The following COL10A1 variants were observed in gnomAD, a reference collection of about 807,000 sequenced individuals.
COL10A1 encodes the protein collagen type X alpha 1 chain.
In COL10A1, 10 loss-of-function variants were observed where a neutral mutation model predicts 18.2. The observed-to-expected ratio is 0.55, with a 90% CI of 0.34 to 0.93. The LOEUF (loss-of-function observed/expected upper bound fraction) is 0.93, where lower values mean the gene tolerates loss of function less well. Ranked by LOEUF, COL10A1 falls within the 40% of genes least tolerant of loss-of-function variation. The pLI, the probability that COL10A1 is intolerant of heterozygous loss-of-function variation, is 0.02. For synonymous variants in COL10A1, 330 were observed against 316.6 expected, an observed-to-expected ratio of 1.04 and a Z score of -0.45; for missense variants, 897 against 853.5, an observed-to-expected ratio of 1.05 and a Z score of -0.64.
At chr6:116,196,539 A>G in the COL10A1 span, among the ~76,000 whole-genome samples, 1 of 152,074 alleles carries the variant, frequency 6.6e-6, no homozygotes, top group Non-Finnish European at 1.5e-5. Flanking sequence ...AAATTATATC[A>G]ATTAGAAAAA....
intron 1 of COL10A1, among the ~76,000 whole-genome samples, chr6:116,134,612 C>T (rs961387096): frequency 3.9e-5 from 6 of 152,096 alleles, no homozygotes; most frequent in African/African-American, 7.2e-5. Context: ...TAGGGCCATT[C>T]GCATGGTGCT....
upstream of COL10A1, among the ~76,000 whole-genome samples, chr6:116,159,296 C>T (rs1349349281): frequency 6.6e-6 from 1 of 152,056 alleles, no homozygotes; most frequent in African/African-American, 2.4e-5. Flanking sequence ...ACCAGAGAAA[C>T]ATAACTTTCT....
the COL10A1 span, among the ~76,000 whole-genome samples, chr6:116,179,566 C>G: frequency 3.9e-5 from 6 of 152,102 alleles, no homozygotes; most frequent in Non-Finnish European, 5.9e-5. Context: ...CAGGGAAACG[C>G]AAATCAAAAC....
the COL10A1 span, among the ~76,000 whole-genome samples, chr6:116,212,347 C>T: frequency 1.3e-5 from 2 of 152,094 alleles, no homozygotes; most frequent in Non-Finnish European, 2.9e-5. Context: ...CTTAACTACT[C>T]TGTCTATGCA....
chr6:116,150,586 T>C (rs2114395362), intron 1 of COL10A1, among the ~76,000 whole-genome samples: 1 of 152,232 alleles, frequency 6.6e-6, no homozygotes, highest in Non-Finnish European at 1.5e-5. Flanking sequence ...CACCTGGCCT[T>C]GAAAATGGGG....
chr6:116,140,175 C>T (rs975376811), intron 1 of COL10A1, among the ~76,000 whole-genome samples: 6 of 152,144 alleles, frequency 3.9e-5, no homozygotes, highest in Non-Finnish European at 5.9e-5. Flanking sequence ...CCAGTGCATG[C>T]TCTCAGGTAT....
chr6:116,198,360 G>A, the COL10A1 span, among the ~76,000 whole-genome samples: 1 of 152,006 alleles, frequency 6.6e-6, no homozygotes, highest in Non-Finnish European at 1.5e-5. Flanking sequence ...ACCATTATAT[G>A]TAACTGTGCT....
the COL10A1 span, among the ~76,000 whole-genome samples, chr6:116,213,129 A>T: frequency 7.2e-5 from 11 of 152,172 alleles, no homozygotes; most frequent in Admixed American, 7.2e-4. Flanking sequence ...AACACACAAA[A>T]CTCAGTATCA....
the COL10A1 span, among the ~76,000 whole-genome samples, chr6:116,186,137 T>C: frequency 6.6e-6 from 1 of 152,202 alleles, no homozygotes; most frequent in Admixed American, 6.6e-5. Flanking sequence ...AAGCTTAGTT[T>C]CACTGGATAC....
chr6:116,134,202 T>C (rs751090903), intron 1 of COL10A1, among the ~76,000 whole-genome samples: 9 of 152,208 alleles, frequency 5.9e-5, no homozygotes, highest in South Asian at 2.1e-4. Flanking sequence ...TATTAGACAG[T>C]CTTCTCAAAT....
the COL10A1 span, among the ~76,000 whole-genome samples, chr6:116,200,950 GTCTGAAAGGT>G: frequency 6.6e-6 from 1 of 151,898 alleles, no homozygotes; most frequent in East Asian, 1.9e-4. Context: ...TCTAACCAAG[GTCTGAAAGGT>G]TCTCTGTTTA....
chr6:116,215,262 A>G, the COL10A1 span, among the ~76,000 whole-genome samples: 1 of 152,294 alleles, frequency 6.6e-6, no homozygotes, highest in African/African-American at 2.4e-5. Context: ...TTTTCCAGAA[A>G]CATGATATCA....
At chr6:116,165,945 C>G in the COL10A1 span, among the ~76,000 whole-genome samples, 3 of 152,336 alleles carry the variant, frequency 2.0e-5, no homozygotes, top group East Asian at 5.8e-4. Context: ...CCTCTCAGCT[C>G]AGGCTTGAGG....
chr6:116,210,378 G>T, the COL10A1 span, among the ~76,000 whole-genome samples: 1 of 150,698 alleles, frequency 6.6e-6, no homozygotes, highest in Non-Finnish European at 1.5e-5. Context: ...AAAAAAAAAA[G>T]AGTAAAGATT....
the COL10A1 span, among the ~76,000 whole-genome samples, chr6:116,164,915 C>G: frequency 1.3e-5 from 2 of 151,982 alleles, no homozygotes; most frequent in African/African-American, 4.8e-5. Context: ...AACCCCGTCT[C>G]TACTAAAAAA....
intron 1 of COL10A1, among the ~76,000 whole-genome samples, chr6:116,135,839 A>ATATATATG (rs1554194609): frequency 2.0e-5 from 1 of 49,738 alleles, no homozygotes; most frequent in Non-Finnish European, 3.4e-5. Flanking sequence ...TTTCAGATAT[A>ATATATATG]TATATATATA....
At chr6:116,162,847 G>A (rs60311843), upstream of COL10A1, among the ~76,000 whole-genome samples, 32,012 of 151,784 alleles carry the variant, frequency 0.21, 3,536 homozygotes, top group East Asian at 0.27. Flanking sequence ...TTTTTAGGCC[G>A]GGCACAGTGG....
chr6:116,217,021 C>G, the COL10A1 span, among the ~76,000 whole-genome samples: 1 of 152,086 alleles, frequency 6.6e-6, no homozygotes, highest in African/African-American at 2.4e-5. Context: ...ATCTCTAGTC[C>G]CCTCGGACAG....
chr6:116,174,233 C>T, the COL10A1 span, among the ~76,000 whole-genome samples: 7 of 152,142 alleles, frequency 4.6e-5, no homozygotes, highest in South Asian at 2.1e-4. Flanking sequence ...TTGCATACTC[C>T]GTTTTTTGAA....
Sources: gnomAD v4.1 joint callset for allele counts (sites outside exome capture counted in the v4.1 genomes callset) on GRCh38, gnomAD v4.1.1 for gene constraint, MANE v1.5 for transcripts, NCBI Gene and HGNC (gene_info 2026-07-23, HGNC 2026-07-21) for gene names.